The following HSPG2 variants were observed in gnomAD, a reference collection of about 807,000 sequenced individuals.
HSPG2 encodes heparan sulfate proteoglycan 2.
Under a neutral mutation model 526.6 loss-of-function variants are expected in HSPG2, and 278 were observed. The observed-to-expected ratio is 0.53, with a 90% confidence interval of 0.48 to 0.58. The LOEUF is 0.58. Ranked by LOEUF, HSPG2 falls within the 20% of genes least tolerant of loss-of-function variation. The probability of loss-of-function intolerance (pLI) is 0.00; values close to 1 mark genes in which losing one functional copy is unlikely to be tolerated. For synonymous variants in HSPG2, 2,465 were observed against 2,555.4 expected, an observed-to-expected ratio of 0.96 and a Z score of 1.07; for missense variants, 5,354 against 6,099.5, an observed-to-expected ratio of 0.88 and a Z score of 4.07.
chr1:21,923,793 G>GC (rs1644109896), intron 1 of HSPG2, among the ~76,000 whole-genome samples: 1 of 152,018 alleles, frequency 6.6e-6, no homozygotes, highest in Non-Finnish European at 1.5e-5. Flanking sequence ...TAAGCCCACG[G>GC]TGGTGTTTAG....
chr1:21,832,773 C>T, intron 80 of HSPG2, 167 bp from the exon 81 acceptor site: 1 of 620,642 alleles, frequency 1.6e-6, no homozygotes, highest in Non-Finnish European at 2.9e-6. Flanking sequence ...AGGGCTGGTG[C>T]CCCAAACGCA....
rs756381976 is a variant in HSPG2, at chr1:21,850,094, G to T, written c.7393C>A (p.His2465Asn). 5.6e-6 allele frequency: 9 copies of T among 1,613,382 alleles called. No individual in the cohort carries two copies. The highest frequency in any genetic ancestry group is 6.8e-6 in the Non-Finnish European group (8 of 1,180,028). Residue 2465 changes from histidine to asparagine, a missense_variant, in exon 57 of 97, where the codon CAT becomes AAT. His to Asn is a moderately conservative substitution (Grantham distance 68). Transcript: ENST00000374695. ...DLNCLVAGQA[H>N]AQVTWHKRGG... ...CGCTTGTGCCACGTGACCTGGGCATGGGCCTGACCAGCAACGAGGCAGTTC... is the reference window on the plus strand; with the variant it reads ...CGCTTGTGCCACGTGACCTGGGCATTGGCCTGACCAGCAACGAGGCAGTTC...
intron 57 of HSPG2, among the ~76,000 whole-genome samples, chr1:21,849,268 G>A (rs1406946974): frequency 6.6e-6 from 1 of 152,228 alleles, no homozygotes; most frequent in Non-Finnish European, 1.5e-5. Context: ...GAAAAGTGGG[G>A]ACCAGTGTTT....
At chr1:21,852,348 A>G (rs1353492759) in intron 52 of HSPG2, 115 bp from the exon 53 acceptor site, 1 of 1,346,428 alleles carries the variant, frequency 7.4e-7, no homozygotes, top group Non-Finnish European at 1.0e-6. Context: ...CCAGCTTTTC[A>G]GGCATCTGGG....
chr1:21,908,687 G>T (rs1360891283), intron 1 of HSPG2: 1 of 505,670 alleles, frequency 2.0e-6, no homozygotes, highest in East Asian at 3.3e-5. Context: ...ACTGCTTAAT[G>T]AGTTTGAAAG....
chr1:21,899,021 C>T (rs183216856), intron 1 of HSPG2, among the ~76,000 whole-genome samples: 46 of 152,242 alleles, frequency 3.0e-4, no homozygotes, highest in Admixed American at 1.2e-3. Context: ...CACACATCTG[C>T]AGGGAGAGGG....
chr1:21,894,172 C>T (rs1273699801), intron 3 of HSPG2, among the ~76,000 whole-genome samples: 2 of 151,834 alleles, frequency 1.3e-5, no homozygotes, highest in African/African-American at 4.8e-5. Context: ...GGAGGGGAGG[C>T]TATCAGGGAC....
intron 46 of HSPG2, 37 bp downstream of exon 46, chr1:21,855,486 C>A (rs1639264463): frequency 1.9e-6 from 3 of 1,612,110 alleles, no homozygotes; most frequent in African/African-American, 2.7e-5. Flanking sequence ...CTGGGCTGAG[C>A]ACACTCCCGG....
In HSPG2 at chr1:21,887,061, A is replaced by G. The variant is rs984527390; in HGVS notation, c.1078+154T>C. 2.1e-5 allele frequency among the ~76,000 whole-genome samples: 3 copies of G among 140,508 alleles called. No homozygotes were observed. 92.2% of individuals were successfully genotyped at this position (140,508 alleles called of 152,430 possible). On this transcript the variant is annotated intron_variant, in intron 9 of 96. Coordinates refer to ENST00000374695, the MANE Select transcript of HSPG2 (RefSeq NM_005529.7). The surrounding 1 kb of genome is among the most constrained non-coding windows in gnomAD (Gnocchi z 5.0). ...GGGGTGTGTCTCCAGGGCCTTCCGC[A>G]CTCAGCCAGGGAGAGCAAACAAACA...
Position 21,838,920 on chromosome 1 carries a change from A to C in HSPG2, c.10055T>G (p.Phe3352Cys), listed in dbSNP as rs1557691018. 4 of 1,612,194 alleles carry C rather than the reference A, an allele frequency of 2.5e-6. No homozygotes were observed. Among genetic ancestry groups the C allele is most frequent in the Non-Finnish European group, 8.5e-7 (1 of 1,179,054 alleles). Residue 3352 changes from phenylalanine to cysteine, a missense_variant, in exon 74 of 97, where the codon TTT (phenylalanine) becomes TGT (cysteine). Phe to Cys is a radical substitution (Grantham distance 205, BLOSUM62 -2). Coordinates refer to ENST00000374695, the MANE Select transcript of HSPG2 (RefSeq NM_005529.7). The stretch of plus-strand genomic sequence containing the variant: ...TGAGTCCTCAGGGGCTGCACGCTCA[A>C]AGTGCAGCAGCTCGTTCCTGGCGGT... ...RATARNELLH[F>C]ERAAPEDSGR...
At chr1:21,884,705 C>G (rs755175085) in intron 12 of HSPG2, 31 bp from the exon 13 acceptor site, 1 of 1,610,564 alleles carries the variant, frequency 6.2e-7, no homozygotes, top group Non-Finnish European at 8.5e-7. Context: ...GGGCTGCAGC[C>G]GGCTGTGGTG....
In HSPG2 at chr1:21,838,844, A is replaced by AAC; in HGVS notation, c.10130_10131insGT (p.Phe3377LeufsTer33). ...GCTTACCTTGGACGAGCAGCTGGGC[A>AAC]AAGGCCTCGGCTGAGCCCACCTTGT... On this transcript the variant is annotated frameshift_variant, in exon 74 of 97. Transcript: ENST00000374695. LOFTEE classifies it high-confidence loss of function. The AAC allele has an allele frequency of 6.2e-7, 1 of 1,612,488 alleles. No individual in the cohort carries two copies. The highest frequency in any genetic ancestry group is 1.1e-5 in the South Asian group (1 of 90,828).
chr1:21,863,060 C>CAAA (rs60890297), intron 37 of HSPG2, among the ~76,000 whole-genome samples: 1 of 31,232 alleles, frequency 3.2e-5, no homozygotes. Flanking sequence ...GACTCCATCT[C>CAAA]AAAAAAAAAA....
chr1:21,894,005 G>C (rs1031477616), intron 3 of HSPG2, among the ~76,000 whole-genome samples: 1 of 152,020 alleles, frequency 6.6e-6, no homozygotes, highest in Admixed American at 6.5e-5. Context: ...AGACACTCAA[G>C]GAGTGGGGAA....
chr1:21,855,908 C>T lies in HSPG2; in HGVS notation c.5580G>A (p.Ser1860=), dbSNP rs145405383. 4.5e-5 allele frequency: 72 copies of T among 1,609,188 alleles called. No homozygotes were observed. The highest frequency in any genetic ancestry group is 1.6e-4 in the South Asian group (15 of 91,058). The change falls in exon 45 of 97, where the codon TCG becomes TCA. Residue 1860 remains serine (S), a synonymous_variant. Coordinates refer to ENST00000374695, the MANE Select transcript of HSPG2 (RefSeq NM_005529.7). The part of the protein sequence containing the change: ...QGTATLHVQA[S]GTLSAPVVSI... ...AGACCACGGGGGCGGACAAGGTGCC[C>T]GAGGCTGACAAGGGAGGAAAAGGAA...
At chr1:21,889,756 C>T in intron 6 of HSPG2, 1 of 601,112 alleles carries the variant, frequency 1.7e-6, no homozygotes, top group Non-Finnish European at 3.0e-6. Flanking sequence ...GTGCAGAGGT[C>T]TAGAAGGAAG....
chr1:21,870,784 G>T (rs144855520), intron 33 of HSPG2: 39 of 974,654 alleles, frequency 4.0e-5, no homozygotes, highest in Middle Eastern at 5.3e-4. Flanking sequence ...ACCCGAGAAG[G>T]CACCACGCCC....
At position 21,898,040 on chromosome 1, in the gene HSPG2, T is replaced by G. The variant is rs144009345; in HGVS notation, c.64-1730A>C. On this transcript the variant is annotated intron_variant, in intron 1 of 96. Coordinates refer to ENST00000374695, the MANE Select transcript of HSPG2 (RefSeq NM_005529.7). The surrounding 1 kb of genome is among the most constrained non-coding windows in gnomAD (Gnocchi z 4.0). ...CTGTGATGAATTCATCTCCACCTTT[T>G]CTGCACCCTGTGCTCAATAAATACT... is the stretch of plus-strand genomic sequence containing the variant. Among the ~76,000 whole-genome samples the G allele has an allele frequency of 2.6e-4, 39 of 152,304 alleles. No individual in the cohort carries two copies. Among genetic ancestry groups the G allele is most frequent in the Middle Eastern group, 3.4e-3 (1 of 294 alleles).
Position 21,828,598 on chromosome 1 carries a change from G to A in HSPG2, c.12238-172C>T, listed in dbSNP as rs147049331. ...GGCGCAGGAGTTGAGTGCCTACTGT[G>A]TGCTAGAAACATTCATCCGTCAGTG... On this transcript the variant is annotated intron_variant, in intron 88 of 96. Coordinates refer to ENST00000374695, the MANE Select transcript of HSPG2 (RefSeq NM_005529.7). This position sits in a 1 kb window ranked among gnomAD's most constrained non-coding sequence, Gnocchi z 6.0. Among the ~76,000 whole-genome samples, 1 of 152,254 alleles carries A rather than the reference G, an allele frequency of 6.6e-6. No homozygotes were observed. Among genetic ancestry groups the A allele is most frequent in the Non-Finnish European group, 1.5e-5 (1 of 68,012 alleles).
Sources: gnomAD v4.1 joint callset for allele counts (sites outside exome capture counted in the v4.1 genomes callset) on GRCh38, gnomAD v4.1.1 for gene constraint, Gnocchi (gnomAD v3.1) non-coding constraint, MANE v1.5 for transcripts, NCBI Gene and HGNC (gene_info 2026-07-23, HGNC 2026-07-21) for gene names.